TNS3: variants seen among roughly 807,000 people sequenced by gnomAD.
TNS3 encodes tensin-3.
A neutral mutation model predicts 140.9 loss-of-function variants in TNS3; 45 were observed. That is an observed-to-expected ratio of 0.32 (90% CI 0.25 to 0.41). The LOEUF (loss-of-function observed/expected upper bound fraction) is 0.41, where lower values mean the gene tolerates loss of function less well. Ranked by LOEUF, TNS3 falls within the 10% of genes least tolerant of loss-of-function variation. The pLI is 1.00. For missense variants in TNS3, 1,716 were observed against 1,906.7 expected (o/e 0.90, Z 1.86); for synonymous variants, 815 against 788.4 (o/e 1.03, Z -0.56).
At chr7:47,557,023 C>T (rs528056525) in intron 1 of TNS3, 1 of 456,566 alleles carries the variant, frequency 2.2e-6, no homozygotes, top group South Asian at 1.5e-5. Flanking sequence ...GGGCGGGGAG[C>T]AACAGAACCT....
intron 2 of TNS3, among the ~76,000 whole-genome samples, chr7:47,517,677 A>C (rs577598754): frequency 6.6e-6 from 1 of 152,346 alleles, no homozygotes; most frequent in South Asian, 2.1e-4. Flanking sequence ...AACACAAAAA[A>C]CATTCATGAA....
intron 1 of TNS3, among the ~76,000 whole-genome samples, chr7:47,550,746 C>G (rs546841603): frequency 6.6e-6 from 1 of 152,318 alleles, no homozygotes; most frequent in Admixed American, 6.5e-5. Context: ...TAGCCAGCAA[C>G]TGGGCTCTGG....
intron 17 of TNS3, among the ~76,000 whole-genome samples, chr7:47,360,318 A>G (rs891982585): frequency 2.7e-4 from 41 of 152,288 alleles, no homozygotes; most frequent in Admixed American, 7.8e-4. Flanking sequence ...ACCCCTGGGC[A>G]GGAGTCTCTT....
chr7:47,351,401 C>T (rs976932438), intron 17 of TNS3, among the ~76,000 whole-genome samples: 1 of 151,980 alleles, frequency 6.6e-6, no homozygotes, highest in Admixed American at 6.6e-5. Flanking sequence ...CAATGCAAGG[C>T]GTCCTGCAGC....
chr7:47,358,318 T>C (rs1239848817), intron 17 of TNS3, among the ~76,000 whole-genome samples: 1 of 152,136 alleles, frequency 6.6e-6, no homozygotes, highest in East Asian at 1.9e-4. Context: ...TTGTATTTTT[T>C]AGTAGAGATG....
intron 20 of TNS3, among the ~76,000 whole-genome samples, chr7:47,318,832 A>T (rs779702144): frequency 2.6e-5 from 4 of 152,254 alleles, no homozygotes; most frequent in Non-Finnish European, 5.9e-5. Flanking sequence ...GGTCTATGCC[A>T]ATGAAGAGGC....
At chr7:47,481,766 C>T in intron 3 of TNS3, 1 of 945,218 alleles carries the variant, frequency 1.1e-6, no homozygotes, top group African/African-American at 1.8e-5. Context: ...GGCAAGGTGG[C>T]TCAAACACAG....
intron 1 of TNS3, among the ~76,000 whole-genome samples, chr7:47,566,026 A>C (rs201646054): frequency 6.6e-6 from 1 of 152,180 alleles, no homozygotes; most frequent in African/African-American, 2.4e-5. Context: ...TCAGATTAGT[A>C]TACATATTGG....
intron 1 of TNS3, among the ~76,000 whole-genome samples, chr7:47,542,887 G>A (rs1167980003): frequency 4.2e-5 from 6 of 144,172 alleles, no homozygotes; most frequent in Non-Finnish European, 8.9e-5. Flanking sequence ...CCGAGATCAC[G>A]CCATTGCACT....
intron 4 of TNS3, among the ~76,000 whole-genome samples, chr7:47,460,604 G>A (rs1056821562): frequency 3.3e-5 from 5 of 152,236 alleles, no homozygotes; most frequent in Admixed American, 3.3e-4. Context: ...TCTCCTGGCA[G>A]GAAGCCAGGC....
At chr7:47,302,393 T>A in intron 22 of TNS3, 121 bp from the exon 23 acceptor site, 1 of 759,218 alleles carries the variant, frequency 1.3e-6, no homozygotes, top group Non-Finnish European at 2.2e-6. Context: ...AGCGATGTTC[T>A]AAGGAAAGGG....
intron 1 of TNS3, among the ~76,000 whole-genome samples, chr7:47,542,293 A>T (rs1371616443): frequency 6.6e-6 from 1 of 152,212 alleles, no homozygotes; most frequent in African/African-American, 2.4e-5. Context: ...AGATGAGAAT[A>T]TGCATTACCA....
intron 4 of TNS3, among the ~76,000 whole-genome samples, chr7:47,473,122 T>A (rs370069390): frequency 2.0e-5 from 3 of 152,206 alleles, no homozygotes; most frequent in African/African-American, 4.8e-5. Flanking sequence ...GAATGCTGTA[T>A]GCACAGGCTA....
chr7:47,555,210 G>A (rs1800163986), intron 1 of TNS3, among the ~76,000 whole-genome samples: 1 of 151,726 alleles, frequency 6.6e-6, no homozygotes, highest in Non-Finnish European at 1.5e-5. Context: ...AGACTAGCCT[G>A]GCCAACACGG....
Position 47,522,885 on chromosome 7 carries a change from G to A in TNS3, c.-153+6151C>T, listed in dbSNP as rs571668854. On this transcript the variant is annotated intron_variant, in intron 2 of 30. Coordinates refer to ENST00000311160, the MANE Select transcript of TNS3 (RefSeq NM_022748.12). ...AGAGCTTGCTGTGAGCTGAGATCGCGCCAATGCACTCCAGCCTGGGTGACA... is the reference window on the plus strand; with the variant it reads ...AGAGCTTGCTGTGAGCTGAGATCGCACCAATGCACTCCAGCCTGGGTGACA... 4.1e-4 allele frequency among the ~76,000 whole-genome samples: 61 copies of A among 147,792 alleles called. 1 individual carries two copies. The highest frequency in any genetic ancestry group is 3.6e-3 in the Middle Eastern group (1 of 280).
At chr7:47,372,349 T>C (rs1791122438) in intron 16 of TNS3, among the ~76,000 whole-genome samples, 1 of 151,864 alleles carries the variant, frequency 6.6e-6, no homozygotes, top group Admixed American at 6.5e-5. Flanking sequence ...TAAAATAAAT[T>C]GGCACAATGA....
chr7:47,389,092 G>GAA lies in TNS3; in HGVS notation c.1024+7707_1024+7708insTT, dbSNP rs1562675398. Among the ~76,000 whole-genome samples the GAA allele has an allele frequency of 7.9e-4, 44 of 55,462 alleles. 9 individuals are homozygous for GAA. Among genetic ancestry groups the GAA allele is most frequent in the East Asian group, 5.2e-3 (7 of 1,346 alleles). The allele number at this position is 55,462 out of a possible 152,430, so 36.4% of individuals were successfully genotyped here. On this transcript the variant is annotated intron_variant, in intron 16 of 30. Transcript: ENST00000311160. Reference sequence around the variant, plus strand: ...AAGAAGAAGAAGAAGAAGAGGAAGAGGAAGAGGAAGCGGAAGCAGAAGAAG... The same window carrying GAA: ...AAGAAGAAGAAGAAGAAGAGGAAGAGAAGAAGAGGAAGCGGAAGCAGAAGAAG...
intron 13 of TNS3, among the ~76,000 whole-genome samples, chr7:47,402,624 G>C (rs1441329341): frequency 6.6e-6 from 1 of 152,076 alleles, no homozygotes; most frequent in African/African-American, 2.4e-5. Flanking sequence ...CTTCAACCTG[G>C]GGCATATTGT....
chr7:47,285,713 G>A (rs143712355), intron 27 of TNS3, among the ~76,000 whole-genome samples: 50 of 152,340 alleles, frequency 3.3e-4, no homozygotes, highest in South Asian at 1.9e-3. Flanking sequence ...CCGCTTCTGA[G>A]GAGATTGAGA....
Sources: allele counts gnomAD v4.1 joint callset (sites outside exome capture counted in the v4.1 genomes callset), GRCh38; gene constraint gnomAD v4.1.1; transcripts MANE v1.5; gene names NCBI Gene and HGNC (gene_info 2026-07-23, HGNC 2026-07-21).